The following BTBD9 variants were observed in gnomAD, a reference collection of about 807,000 sequenced individuals.
BTBD9 encodes the protein BTB domain containing 9.
A neutral mutation model predicts 64.3 loss-of-function variants in BTBD9; 49 were observed. That is an observed-to-expected ratio of 0.76 (90% CI 0.61 to 0.97). The LOEUF is 0.97. Ranked by LOEUF, BTBD9 falls within the 50% of genes least tolerant of loss-of-function variation. The pLI, the probability that BTBD9 is intolerant of heterozygous loss-of-function variation, is 0.00. For synonymous variants in BTBD9, 260 were observed against 274.7 expected, an observed-to-expected ratio of 0.95 and a Z score of 0.53; for missense variants, 598 against 762.1, an observed-to-expected ratio of 0.78 and a Z score of 2.53.
chr6:38,427,365 C>T (rs1768218305), intron 6 of BTBD9, among the ~76,000 whole-genome samples: 1 of 151,814 alleles, frequency 6.6e-6, no homozygotes. Context: ...AGCAGATGCA[C>T]CCCAGACCAA....
At chr6:38,421,414 A>G in intron 6 of BTBD9, among the ~76,000 whole-genome samples, 1 of 152,216 alleles carries the variant, frequency 6.6e-6, no homozygotes, top group South Asian at 2.1e-4. Context: ...ATTATTTAGA[A>G]GACAAGATTA....
chr6:38,242,767 C>T (rs866099349), intron 9 of BTBD9, among the ~76,000 whole-genome samples: 26 of 152,354 alleles, frequency 1.7e-4, no homozygotes, highest in Middle Eastern at 6.8e-3. Flanking sequence ...CATTTGACTA[C>T]AGACCTACAG....
intron 7 of BTBD9, among the ~76,000 whole-genome samples, chr6:38,335,548 C>T (rs552795182): frequency 1.3e-5 from 2 of 152,108 alleles, no homozygotes; most frequent in Admixed American, 6.5e-5. Flanking sequence ...CCACTGTGCC[C>T]AGCCTCCAGG....
intron 6 of BTBD9, among the ~76,000 whole-genome samples, chr6:38,354,917 A>AAGAGAG (rs150257577): frequency 1.3e-5 from 2 of 148,624 alleles, no homozygotes; most frequent in African/African-American, 4.9e-5. Flanking sequence ...GACAGAGAGA[A>AAGAGAG]AGAGAGAGAG....
intron 7 of BTBD9, among the ~76,000 whole-genome samples, chr6:38,291,296 A>T (rs575922286): frequency 6.6e-6 from 1 of 152,098 alleles, no homozygotes; most frequent in South Asian, 2.1e-4. Flanking sequence ...CTCTCTGTTT[A>T]TCTGTTATTG....
At chr6:38,633,380 G>C (rs748387511) in intron 1 of BTBD9, among the ~76,000 whole-genome samples, 4 of 152,196 alleles carry the variant, frequency 2.6e-5, no homozygotes, top group Non-Finnish European at 5.9e-5. Flanking sequence ...TAGTAAAATG[G>C]AGATAATGTC....
intron 6 of BTBD9, among the ~76,000 whole-genome samples, chr6:38,573,165 AT>A (rs1409023247): frequency 6.6e-6 from 1 of 152,166 alleles, no homozygotes. Flanking sequence ...TCAAAGTAAA[AT>A]AGGATTTTTG....
intron 6 of BTBD9, among the ~76,000 whole-genome samples, chr6:38,446,963 G>A (rs1392653197): frequency 1.3e-5 from 2 of 152,082 alleles, no homozygotes; most frequent in African/African-American, 2.4e-5. Context: ...TAATTAGAAA[G>A]TCTGAATGAT....
chr6:38,274,106 G>C (rs146221659), intron 8 of BTBD9, among the ~76,000 whole-genome samples: 1 of 152,222 alleles, frequency 6.6e-6, no homozygotes, highest in African/African-American at 2.4e-5. Flanking sequence ...TCCCTTGTAC[G>C]TTGGATTCCT....
chr6:38,367,762 T>C (rs923244196), intron 6 of BTBD9, among the ~76,000 whole-genome samples: 1 of 131,408 alleles, frequency 7.6e-6, no homozygotes, highest in African/African-American at 2.9e-5. Context: ...AAAGCAATTA[T>C]GTATATCATC....
In BTBD9 at chr6:38,426,626, T is replaced by C. The variant is rs746026103; in HGVS notation, c.1155-81533A>G. Among the ~76,000 whole-genome samples the C allele has an allele frequency of 1.8e-4, 28 of 151,996 alleles. 1 individual carries two copies. Among genetic ancestry groups the C allele is most frequent in the Admixed American group, 5.2e-4 (8 of 15,284 alleles). On this transcript the variant is annotated intron_variant, in intron 6 of 10. Coordinates refer to ENST00000481247, the MANE Select transcript of BTBD9 (RefSeq NM_001099272.2). ...TGCTCCTGATCCAGCGAGGCGCCTA[T>C]TGCCACTCCCGATTGGGCTAAAGGC...
At chr6:38,585,478 T>A (rs778929688) in intron 4 of BTBD9, among the ~76,000 whole-genome samples, 5 of 152,010 alleles carry the variant, frequency 3.3e-5, no homozygotes, top group Admixed American at 1.3e-4. Context: ...CCAGCTAATT[T>A]AAAAAAAATT....
rs534426221 is a variant in BTBD9, at chr6:38,311,062, C to T, written c.1265-22601G>A. On this transcript the variant is annotated intron_variant, in intron 7 of 10. Coordinates refer to ENST00000481247, the MANE Select transcript of BTBD9 (RefSeq NM_001099272.2). ...CTGACCTCAGGTGATCTGACTGCCTCGGCCTCCCAAAGTGCTGGGATTACA... is the reference window on the plus strand; with the variant it reads ...CTGACCTCAGGTGATCTGACTGCCTTGGCCTCCCAAAGTGCTGGGATTACA... Among the ~76,000 whole-genome samples, 6 of 152,278 alleles carry T rather than the reference C, an allele frequency of 3.9e-5. No individual in the cohort carries two copies. In the East Asian group the frequency reaches 1.2e-3, roughly 29 times the overall value.
intron 6 of BTBD9, among the ~76,000 whole-genome samples, chr6:38,456,349 G>A (rs1023732743): frequency 6.6e-6 from 1 of 152,106 alleles, no homozygotes; most frequent in Admixed American, 6.5e-5. Context: ...TTGTGTGAAC[G>A]TACGATTTCA....
intron 7 of BTBD9, among the ~76,000 whole-genome samples, chr6:38,321,295 G>C (rs1763222379): frequency 6.6e-6 from 1 of 152,214 alleles, no homozygotes; most frequent in Non-Finnish European, 1.5e-5. Flanking sequence ...TCTTCTTGGG[G>C]AAAGGCAGGA....
rs545376135 is a variant in BTBD9 at position 38,531,073 on chromosome 6, A to G, written c.1154+46527T>C. ...ATTTATTCAAAGTGATAATAACTGAACTTTCCAAACCTACAGAAAGATATC... is the reference window on the plus strand; with the variant it reads ...ATTTATTCAAAGTGATAATAACTGAGCTTTCCAAACCTACAGAAAGATATC... On this transcript the variant is annotated intron_variant, in intron 6 of 10. Transcript: ENST00000481247. Among the ~76,000 whole-genome samples the G allele has an allele frequency of 3.3e-5, 5 of 152,336 alleles. No homozygotes were observed. The South Asian group carries it at 8.3e-4, about 25-fold the overall frequency.
intron 2 of BTBD9, among the ~76,000 whole-genome samples, chr6:38,595,425 G>GT (rs1776991847): frequency 6.6e-6 from 1 of 152,130 alleles, no homozygotes; most frequent in Non-Finnish European, 1.5e-5. Context: ...AGACAATCCA[G>GT]TTAGGTAATG....
intron 6 of BTBD9, among the ~76,000 whole-genome samples, chr6:38,471,596 G>A (rs1770655243): frequency 1.3e-5 from 2 of 152,032 alleles, no homozygotes; most frequent in Admixed American, 1.3e-4. Flanking sequence ...ATGTTGCCCA[G>A]GCTGGTCTCA....
chr6:38,311,651 C>G (rs1333706235), intron 7 of BTBD9, among the ~76,000 whole-genome samples: 4 of 152,074 alleles, frequency 2.6e-5, no homozygotes, highest in Non-Finnish European at 5.9e-5. Flanking sequence ...TTTGAGGAAC[C>G]TCCAAACTGT....
Sources: allele counts gnomAD v4.1 joint callset (sites outside exome capture counted in the v4.1 genomes callset), GRCh38; gene constraint gnomAD v4.1.1; transcripts MANE v1.5; gene names NCBI Gene and HGNC (gene_info 2026-07-23, HGNC 2026-07-21).